Variants in RAB37 observed in about 807,000 individuals in gnomAD.
RAB37 encodes RAB37, member RAS oncogene family.
RAB37 carries 29 observed loss-of-function variants against 33.1 expected under a neutral mutation model. The ratio of observed to expected loss-of-function variants is 0.88; its 90% CI spans 0.65 to 1.20. RAB37 has a LOEUF of 1.20. Ranked by LOEUF, RAB37 falls within the 50% of genes most tolerant of loss-of-function variation. The probability of loss-of-function intolerance (pLI) is 0.00; values close to 1 mark genes in which losing one functional copy is unlikely to be tolerated. For missense variants in RAB37, 299 were observed against 301.1 expected (o/e 0.99, Z 0.05); for synonymous variants, 128 against 119.5 (o/e 1.07, Z -0.47).
At chr17:74,704,628 C>T (rs1288119083) in intron 1 of RAB37, 1 of 1,614,180 alleles carries the variant, frequency 6.2e-7, no homozygotes, top group Admixed American at 1.7e-5. Flanking sequence ...GACACCCGGT[C>T]CCTCTTCACC....
upstream of RAB37, among the ~76,000 whole-genome samples, chr17:74,734,364 G>A (rs1305557656): frequency 1.3e-5 from 2 of 152,208 alleles, no homozygotes; most frequent in African/African-American, 4.8e-5. Context: ...ATCTTAATGA[G>A]TGATATCTGC....
chr17:74,691,776 T>A (rs2032160871), intron 1 of RAB37, among the ~76,000 whole-genome samples: 1 of 152,222 alleles, frequency 6.6e-6, no homozygotes, highest in Non-Finnish European at 1.5e-5. Context: ...TAGTGCTGGC[T>A]GCTTGAAATA....
intron 1 of RAB37, chr17:74,695,720 C>G: frequency 6.2e-7 from 1 of 1,614,076 alleles, no homozygotes; most frequent in Non-Finnish European, 8.5e-7. Context: ...CCATGGAGGA[C>G]GCACCATGGT....
At chr17:74,697,126 T>A (rs542422411) in intron 1 of RAB37, among the ~76,000 whole-genome samples, 1 of 152,236 alleles carries the variant, frequency 6.6e-6, no homozygotes, top group East Asian at 1.9e-4. Flanking sequence ...GCATTTTTAG[T>A]AGAGAAGGGG....
chr17:74,720,031 C>T (rs2144007250), intron 1 of RAB37, among the ~76,000 whole-genome samples: 1 of 152,270 alleles, frequency 6.6e-6, no homozygotes, highest in African/African-American at 2.4e-5. Flanking sequence ...CTGCCCCCTG[C>T]TTCTTTTGCT....
chr17:74,705,576 T>A (rs1208862910), intron 1 of RAB37, among the ~76,000 whole-genome samples: 2 of 152,248 alleles, frequency 1.3e-5, no homozygotes, highest in South Asian at 4.1e-4. Flanking sequence ...TTTACTTTTT[T>A]TTTTCTTTTT....
chr17:74,671,744 G>A lies in RAB37; in HGVS notation c.72+86G>A. The A allele has an allele frequency of 3.4e-6, 4 of 1,164,296 alleles. No homozygotes were observed. The highest frequency in any genetic ancestry group is 1.8e-5 in the Admixed American group (1 of 54,836). 72.1% of individuals were successfully genotyped at this position (1,164,296 alleles called of 1,614,324 possible). ...CTCCACTCCCCTGACTTTGCTTTGG[G>A]ACTTAATGAGAAACTAGCTTGTATC... On this transcript the variant is annotated intron_variant, in intron 1 of 7. Coordinates refer to the RAB37 transcript ENST00000340415. The surrounding 1 kb of genome is among the most constrained non-coding windows in gnomAD (Gnocchi z 5.0).
chr17:74,736,024 G>A (rs1267575732), upstream of RAB37, among the ~76,000 whole-genome samples: 2 of 152,134 alleles, frequency 1.3e-5, no homozygotes, highest in African/African-American at 2.4e-5. Flanking sequence ...TGGCCAACAT[G>A]GCAAAACCCC....
At position 74,718,399 on chromosome 17, in the gene RAB37, G is replaced by A. The variant is rs138711844; in HGVS notation, c.73-10857G>A. On this transcript the variant is annotated intron_variant, in intron 1 of 7. Coordinates refer to the RAB37 transcript ENST00000340415. Reference sequence around the variant, plus strand: ...TATGGTATTTTGTTATAGCAGCCGGGACTAAGATAGTGGGTTAGAGAAAAA... The same window carrying A: ...TATGGTATTTTGTTATAGCAGCCGGAACTAAGATAGTGGGTTAGAGAAAAA... Among the ~76,000 whole-genome samples the A allele has an allele frequency of 1.3e-4, 20 of 151,928 alleles. No homozygotes were observed. The East Asian group carries it at 1.3e-3, about 10-fold the overall frequency.
chr17:74,695,626 G>A, intron 1 of RAB37: 1 of 1,542,186 alleles, frequency 6.5e-7, no homozygotes. Context: ...CCTCCTCTAT[G>A]CCCACATGAG....
At chr17:74,740,975 GAC>G in intron 2 of RAB37, 97 bp downstream of exon 2, 5 of 892,806 alleles carry the variant, frequency 5.6e-6, no homozygotes, top group Non-Finnish European at 7.4e-6. Flanking sequence ...GGCTCCCAGG[GAC>G]TCCCGAGGCT....
chr17:74,686,933 G>T (rs1380455848), intron 1 of RAB37, among the ~76,000 whole-genome samples: 1 of 152,214 alleles, frequency 6.6e-6, no homozygotes, highest in Non-Finnish European at 1.5e-5. Flanking sequence ...TGAGATCAGG[G>T]CCTGTGACCT....
chr17:74,672,317 T>C (rs2143446619), intron 1 of RAB37, among the ~76,000 whole-genome samples: 1 of 152,108 alleles, frequency 6.6e-6, no homozygotes. Flanking sequence ...TCAAAATCCA[T>C]CACTCTGAAA....
chr17:74,736,755 A>C (rs1479626575), upstream of RAB37: 2 of 1,535,598 alleles, frequency 1.3e-6, no homozygotes, highest in South Asian at 2.4e-5. Context: ...GGTAAACAAA[A>C]CTATATTCAG....
At chr17:74,711,228 G>A (rs942289919) in intron 1 of RAB37, among the ~76,000 whole-genome samples, 1 of 152,058 alleles carries the variant, frequency 6.6e-6, no homozygotes, top group Non-Finnish European at 1.5e-5. Context: ...AGTGGTATCC[G>A]GGCTCCATGT....
rs922181747 is a variant in RAB37 at position 74,729,537 on chromosome 17, G to T, written c.183+171G>T. Among the ~76,000 whole-genome samples the T allele has an allele frequency of 6.6e-6, 1 of 151,992 alleles. No homozygotes were observed. Among genetic ancestry groups the T allele is most frequent in the Non-Finnish European group, 1.5e-5 (1 of 67,966 alleles). ...GGGTGTTGGGTGACCAGGAGGGAGG[G>T]TATACTGCCCCTGGGTAGTCCAGGA... On this transcript the variant is annotated intron_variant, in intron 2 of 7. Transcript: ENST00000340415. This position sits in a 1 kb window ranked among gnomAD's most constrained non-coding sequence, Gnocchi z 4.2.
chr17:74,692,590 C>T (rs2032181083), intron 1 of RAB37, among the ~76,000 whole-genome samples: 1 of 152,154 alleles, frequency 6.6e-6, no homozygotes, highest in Non-Finnish European at 1.5e-5. Context: ...GTCATCTCTT[C>T]CCAAGCCATG....
At chr17:74,717,896 G>C (rs1412609210) in intron 1 of RAB37, among the ~76,000 whole-genome samples, 1 of 151,940 alleles carries the variant, frequency 6.6e-6, no homozygotes, top group South Asian at 2.1e-4. Flanking sequence ...ACAGCAAGAA[G>C]GAGTCCTCCC....
intron 1 of RAB37, among the ~76,000 whole-genome samples, chr17:74,702,635 G>A (rs564211943): frequency 1.3e-5 from 2 of 152,162 alleles, no homozygotes; most frequent in Admixed American, 6.6e-5. Context: ...TCATCCCTGC[G>A]GCTCCATGAC....
Sources: gnomAD v4.1 joint callset for allele counts (sites outside exome capture counted in the v4.1 genomes callset) on GRCh38, gnomAD v4.1.1 for gene constraint, Gnocchi (gnomAD v3.1) non-coding constraint, MANE v1.5 for transcripts, NCBI Gene and HGNC (gene_info 2026-07-23, HGNC 2026-07-21) for gene names.